Variants in LAMA2 observed in about 807,000 individuals in gnomAD.
LAMA2 encodes laminin subunit alpha-2.
In LAMA2, 269 loss-of-function variants were observed where a neutral mutation model predicts 364.8. The observed-to-expected ratio is 0.74, with a 90% CI of 0.67 to 0.82. The LOEUF is 0.82. LAMA2 is among the 40% of genes least tolerant of loss of function. LAMA2 has a pLI of 0.00. For missense variants in LAMA2, 3,807 were observed against 3,873.2 expected (o/e 0.98, Z 0.45); for synonymous variants, 1,379 against 1,370.6 (o/e 1.01, Z -0.14).
In LAMA2 at chr6:129,123,037, C is replaced by G. The variant is rs557456058; in HGVS notation, c.640-20864C>G. Reference sequence around the variant, plus strand: ...GACTGCGAGGCCGGGTGTGGTGGCTCAAGCCTGTAATCTCAGCACTTTGGG... The same window carrying G: ...GACTGCGAGGCCGGGTGTGGTGGCTGAAGCCTGTAATCTCAGCACTTTGGG... On this transcript the variant is annotated intron_variant, in intron 4 of 64. Transcript: ENST00000421865. Among the ~76,000 whole-genome samples the G allele has an allele frequency of 3.9e-5, 6 of 152,256 alleles. No individual in the cohort carries two copies. The South Asian group carries it at 1.0e-3, about 26-fold the overall frequency.
chr6:129,426,770 A>G (rs1454273413), intron 40 of LAMA2, among the ~76,000 whole-genome samples: 1 of 152,240 alleles, frequency 6.6e-6, no homozygotes, highest in African/African-American at 2.4e-5. Context: ...GACCACAGCC[A>G]TACCAAGTTC....
chr6:129,070,658 G>A (rs1205762848), intron 3 of LAMA2, among the ~76,000 whole-genome samples: 2 of 151,968 alleles, frequency 1.3e-5, no homozygotes, highest in Admixed American at 6.6e-5. Flanking sequence ...TCTGATTTAT[G>A]TTATTTTAAT....
At chr6:129,253,810 A>G (rs1193129506) in intron 14 of LAMA2, among the ~76,000 whole-genome samples, 1 of 152,158 alleles carries the variant, frequency 6.6e-6, no homozygotes, top group Non-Finnish European at 1.5e-5. Flanking sequence ...CACTGGTTTC[A>G]TTTGCAGTCT....
intron 40 of LAMA2, among the ~76,000 whole-genome samples, chr6:129,417,133 T>C (rs1780837355): frequency 6.6e-6 from 1 of 152,086 alleles, no homozygotes. Context: ...GTTTCAACCC[T>C]GTTTGTGTTG....
At chr6:129,496,602 AT>A (rs1785211579) in intron 58 of LAMA2, among the ~76,000 whole-genome samples, 1 of 152,126 alleles carries the variant, frequency 6.6e-6, no homozygotes. Context: ...TTCTGTTTTA[AT>A]TTGTTTCCTT....
intron 11 of LAMA2, 124 bp downstream of exon 11, chr6:129,190,469 A>G: frequency 3.0e-6 from 3 of 1,004,158 alleles, no homozygotes; most frequent in Non-Finnish European, 4.5e-6. Flanking sequence ...GGAAGAAGTA[A>G]TGGAATTTTC....
intron 9 of LAMA2, among the ~76,000 whole-genome samples, chr6:129,172,328 G>T (rs989578850): frequency 1.3e-5 from 2 of 152,168 alleles, no homozygotes; most frequent in Non-Finnish European, 2.9e-5. Flanking sequence ...GGTCTTTGAT[G>T]ATGGTGATGT....
At chr6:129,297,068 A>C (rs896909264) in intron 20 of LAMA2, among the ~76,000 whole-genome samples, 1 of 152,188 alleles carries the variant, frequency 6.6e-6, no homozygotes, top group African/African-American at 2.4e-5. Flanking sequence ...AATCAATTTC[A>C]ATTGTTAGAA....
intron 12 of LAMA2, among the ~76,000 whole-genome samples, chr6:129,226,654 T>G (rs1051197437): frequency 6.6e-6 from 1 of 152,032 alleles, no homozygotes; most frequent in African/African-American, 2.4e-5. Context: ...ATGTTGAATA[T>G]TGGCCCCCAC....
At chr6:128,997,357 C>CAAAA (rs149540854) in intron 1 of LAMA2, among the ~76,000 whole-genome samples, 7 of 143,608 alleles carry the variant, frequency 4.9e-5, no homozygotes, top group South Asian at 2.3e-4. Context: ...AAAGAAAGAA[C>CAAAA]GAAAGAAAGA....
At chr6:129,035,225 C>A (rs1786535500) in intron 1 of LAMA2, among the ~76,000 whole-genome samples, 1 of 151,000 alleles carries the variant, frequency 6.6e-6, no homozygotes, top group Non-Finnish European at 1.5e-5. Flanking sequence ...TTGCATCTCC[C>A]TGATGATTAG....
At chr6:128,886,818 A>C (rs1176986380) in intron 1 of LAMA2, among the ~76,000 whole-genome samples, 2 of 152,190 alleles carry the variant, frequency 1.3e-5, no homozygotes, top group African/African-American at 4.8e-5. Context: ...GTTCAGAAAT[A>C]GCTGAATTGT....
chr6:128,924,041 A>T (rs9321140), intron 1 of LAMA2, among the ~76,000 whole-genome samples: 2,263 of 152,226 alleles, frequency 0.015, 57 homozygotes, highest in African/African-American at 0.052. Flanking sequence ...AAGTGTAGGG[A>T]ACACAAGAAT....
At chr6:129,472,972 T>C (rs546549865) in intron 51 of LAMA2, among the ~76,000 whole-genome samples, 27 of 152,158 alleles carry the variant, frequency 1.8e-4, no homozygotes, top group Admixed American at 5.9e-4. Flanking sequence ...CTCTTTTATC[T>C]TCATTGGTTT....
At chr6:129,225,497 T>C (rs948390880) in intron 12 of LAMA2, among the ~76,000 whole-genome samples, 2 of 152,224 alleles carry the variant, frequency 1.3e-5, no homozygotes, top group Non-Finnish European at 2.9e-5. Context: ...CTCTACACAC[T>C]GCTTTAAATG....
intron 12 of LAMA2, among the ~76,000 whole-genome samples, chr6:129,198,208 C>T (rs909076737): frequency 6.6e-6 from 1 of 151,648 alleles, no homozygotes; most frequent in African/African-American, 2.4e-5. Flanking sequence ...AGATTCTGCA[C>T]AAAACGCATG....
Position 129,467,359 on chromosome 6 carries a change from G to C in LAMA2, c.7300+2070G>C, listed in dbSNP as rs560421138. ...AATAGACACTGGGGACTCCAAAAGG[G>C]GGGAGGGAGGAGAAGGGGTGAAGAT... On this transcript the variant is annotated intron_variant, in intron 51 of 64. Transcript: ENST00000421865. Among the ~76,000 whole-genome samples the C allele has an allele frequency of 9.9e-5, 15 of 151,908 alleles. No homozygotes were observed. The East Asian group carries it at 1.9e-3, about 20-fold the overall frequency.
At chr6:128,990,113 T>A (rs1783515617) in intron 1 of LAMA2, among the ~76,000 whole-genome samples, 1 of 152,236 alleles carries the variant, frequency 6.6e-6, no homozygotes, top group Non-Finnish European at 1.5e-5. Context: ...AACAGAAAAC[T>A]GTAGAACTAG....
intron 29 of LAMA2, among the ~76,000 whole-genome samples, chr6:129,334,914 G>A (rs1221051253): frequency 6.6e-6 from 1 of 152,246 alleles, no homozygotes. Flanking sequence ...CACACTGGGA[G>A]ACAGGATTTC....
Sources: allele counts gnomAD v4.1 joint callset (sites outside exome capture counted in the v4.1 genomes callset), GRCh38; gene constraint gnomAD v4.1.1; transcripts MANE v1.5; gene names NCBI Gene and HGNC (gene_info 2026-07-23, HGNC 2026-07-21).